The following RAD18 variants were observed in gnomAD, a reference collection of about 807,000 sequenced individuals.
RAD18 encodes RAD18 E3 ubiquitin protein ligase, also known as E3 ubiquitin-protein ligase RAD18.
In RAD18, 47 loss-of-function variants were observed where a neutral mutation model predicts 60.4. That is an observed-to-expected ratio of 0.78 (90% CI 0.62 to 0.99). The LOEUF is 0.99. Among genes scored for constraint, RAD18 ranks in the 50% least tolerant of loss-of-function variants. The probability of loss-of-function intolerance (pLI) is 0.00; values close to 1 mark genes in which losing one functional copy is unlikely to be tolerated. For synonymous variants in RAD18, 225 were observed against 195.5 expected, an observed-to-expected ratio of 1.15 and a Z score of -1.26; for missense variants, 640 against 593.3, an observed-to-expected ratio of 1.08 and a Z score of -0.82.
At chr3:8,960,068 G>A (rs1010665402) in intron 1 of RAD18, among the ~76,000 whole-genome samples, 3 of 152,100 alleles carry the variant, frequency 2.0e-5, no homozygotes, top group African/African-American at 7.2e-5. Context: ...AGCACTTTGG[G>A]AGGCCAAGGC....
rs462153 is a variant in RAD18 at position 8,902,288 on chromosome 3, A to G, written c.1168+92T>C. 10,391 of 1,209,420 alleles carry G rather than the reference A, an allele frequency of 8.6e-3. 64 individuals are homozygous for G. Among genetic ancestry groups the G allele is most frequent in the Non-Finnish European group, 0.011 (9,551 of 907,344 alleles). 74.9% of individuals were successfully genotyped at this position (1,209,420 alleles called of 1,614,324 possible). On this transcript the variant is annotated intron_variant, in intron 10 of 12. Coordinates refer to ENST00000264926, the MANE Select transcript of RAD18 (RefSeq NM_020165.4). ...TTTTTCTCATTTCAAAGAACTAAGAACTCCAAAGTAAATTTCTTTGGTTTA... is the reference window on the plus strand; with the variant it reads ...TTTTTCTCATTTCAAAGAACTAAGAGCTCCAAAGTAAATTTCTTTGGTTTA...
rs71049758 is a variant in RAD18 at position 8,929,643 on chromosome 3, A to AT, written c.889+6227dup. On this transcript the variant is annotated intron_variant, in intron 7 of 12. Transcript: ENST00000264926. Reference sequence around the variant, plus strand: ...CAAGGACATGGAGCAACTGGAATTAATTTTTTTTTTTTTTTTGAGACGGAG... The same window carrying AT: ...CAAGGACATGGAGCAACTGGAATTAATTTTTTTTTTTTTTTTTGAGACGGAG... Among the ~76,000 whole-genome samples, 517 of 142,302 alleles carry AT rather than the reference A, an allele frequency of 3.6e-3. 1 individual carries two copies. The highest frequency in any genetic ancestry group is 8.8e-3 in the African/African-American group (343 of 38,776). The allele number at this position is 142,302 out of a possible 152,430, so 93.4% of individuals were successfully genotyped here.
At chr3:8,904,614 T>G (rs781518736) in intron 9 of RAD18, among the ~76,000 whole-genome samples, 1 of 152,202 alleles carries the variant, frequency 6.6e-6, no homozygotes, top group South Asian at 2.1e-4. Context: ...GGACACAAGC[T>G]AGGTGATTTC....
chr3:8,902,343 A>G (rs1450726474), intron 10 of RAD18, 37 bp downstream of exon 10: 8 of 1,446,538 alleles, frequency 5.5e-6, no homozygotes, highest in Non-Finnish European at 7.3e-6. Context: ...AAATAATGAA[A>G]TTCGACATAT....
intron 1 of RAD18, among the ~76,000 whole-genome samples, chr3:8,962,380 G>A (rs1941104964): frequency 6.6e-6 from 1 of 152,184 alleles, no homozygotes; most frequent in African/African-American, 2.4e-5. Flanking sequence ...TTCTCATCAT[G>A]CAGATATCTC....
chr3:8,885,556 C>G (rs45598641), intron 12 of RAD18, among the ~76,000 whole-genome samples: 20 of 152,162 alleles, frequency 1.3e-4, no homozygotes, highest in Non-Finnish European at 1.5e-4. Flanking sequence ...TGGAAAGGAG[C>G]CTTTATTTCT....
At chr3:8,898,381 C>CGTGTGTGTGTGT (rs59853617) in intron 11 of RAD18, among the ~76,000 whole-genome samples, 26 of 148,338 alleles carry the variant, frequency 1.8e-4, no homozygotes, top group African/African-American at 6.5e-4. Context: ...TGTGTGCATG[C>CGTGTGTGTGTGT]GTGTGTGTGT....
Position 8,947,250 on chromosome 3 carries a change from T to C in RAD18, c.236A>G (p.Asp79Gly), listed in dbSNP as rs919028202. 3.1e-6 allele frequency: 5 copies of C among 1,611,416 alleles called. No homozygotes were observed. Among genetic ancestry groups the C allele is most frequent in the Non-Finnish European group, 4.2e-6 (5 of 1,177,920 alleles). ...AAAATTCAAGCTTTTTACCAGTTCATCTAATATGCGGTTATTTTTCAGATC... is the reference window on the plus strand; with the variant it reads ...AAAATTCAAGCTTTTTACCAGTTCACCTAATATGCGGTTATTTTTCAGATC... ...EPDLKNNRIL[D>G]ELVKSLNFAR... Residue 79 changes from aspartate to glycine, a missense_variant, in exon 4 of 13, where the codon GAT becomes GGT. Asp to Gly is a moderately conservative substitution (Grantham distance 94). Coordinates refer to ENST00000264926, the MANE Select transcript of RAD18 (RefSeq NM_020165.4).
chr3:8,941,473 T>A lies in RAD18; in HGVS notation c.598A>T (p.Thr200Ser). Reference sequence around the variant, plus strand: ...TATGAAAATAACTTCCTACCTTTAGTAACTTGTTTCAAAGTGGATGTCGAG... The same window carrying A: ...TATGAAAATAACTTCCTACCTTTAGAAACTTGTTTCAAAGTGGATGTCGAG... ...PPSTSTLKQVTKVDCPVCGVN... is the reference protein window; with the variant it reads ...PPSTSTLKQVSKVDCPVCGVN... Residue 200 changes from threonine to serine, a missense_variant, in exon 5 of 13, where the codon ACT becomes TCT. Physicochemically the swap from Thr to Ser is moderately conservative, Grantham distance 58. Coordinates refer to ENST00000264926, the MANE Select transcript of RAD18 (RefSeq NM_020165.4). 1 of 1,595,826 alleles carries A rather than the reference T, an allele frequency of 6.3e-7. No individual in the cohort carries two copies. The highest frequency in any genetic ancestry group is 8.6e-7 in the Non-Finnish European group (1 of 1,166,622).
chr3:8,913,675 A>T lies in RAD18; in HGVS notation c.935T>A (p.Met312Lys), dbSNP rs1367956275. ...REIENIEKTR[M>K]RLEASKLNES... is the part of the protein sequence containing the mutation. ...ATTGAGTTTACTAGCTTCAAGACGC[A>T]TCCTAGTCTTCTCTATATTTTCGAT... Residue 312 changes from methionine (M) to lysine (K), a missense_variant, in exon 8 of 13, where the codon ATG (methionine) becomes AAG (lysine). By Grantham distance (95) the Met-to-Lys change is moderately conservative. Coordinates refer to ENST00000264926, the MANE Select transcript of RAD18 (RefSeq NM_020165.4). The T allele has an allele frequency of 1.3e-6, 2 of 1,576,946 alleles. No individual in the cohort carries two copies. Among genetic ancestry groups the T allele is most frequent in the Non-Finnish European group, 1.7e-6 (2 of 1,159,668 alleles).
chr3:8,892,105 C>T (rs1939700735), intron 11 of RAD18, among the ~76,000 whole-genome samples: 1 of 152,160 alleles, frequency 6.6e-6, no homozygotes, highest in Non-Finnish European at 1.5e-5. Flanking sequence ...TCTTTCAAGA[C>T]ATTTAAAAAA....
intron 9 of RAD18, among the ~76,000 whole-genome samples, chr3:8,903,794 T>C (rs1939955218): frequency 6.6e-6 from 1 of 152,168 alleles, no homozygotes; most frequent in African/African-American, 2.4e-5. Flanking sequence ...ATACTACAAA[T>C]GGTTAAAACA....
At chr3:8,906,848 T>C (rs573115148) in intron 9 of RAD18, among the ~76,000 whole-genome samples, 4 of 152,252 alleles carry the variant, frequency 2.6e-5, no homozygotes, top group Non-Finnish European at 4.4e-5. Flanking sequence ...AATGGGTTTA[T>C]TGTTAATATT....
In RAD18 at chr3:8,947,282, T is replaced by C. The variant is rs761228149; in HGVS notation, c.204A>G (p.Thr68=). 6.9e-5 allele frequency: 111 copies of C among 1,607,924 alleles called. No homozygotes were observed. Among genetic ancestry groups the C allele is most frequent in the Admixed American group, 1.5e-4 (9 of 59,762 alleles). The change falls in exon 4 of 13, where the codon ACA becomes ACG. Residue 68 remains threonine, a synonymous_variant. Coordinates refer to ENST00000264926, the MANE Select transcript of RAD18 (RefSeq NM_020165.4). ...TGCGGTTATTTTTCAGATCCGGCTCTGTGACAGTCTAGAAAAAACAAACAA... is the reference window on the plus strand; with the variant it reads ...TGCGGTTATTTTTCAGATCCGGCTCCGTGACAGTCTAGAAAAAACAAACAA... ...TQCPTCCVTV[T]EPDLKNNRIL...
At chr3:8,957,865 A>G (rs1490000292) in intron 2 of RAD18, among the ~76,000 whole-genome samples, 1 of 152,198 alleles carries the variant, frequency 6.6e-6, no homozygotes, top group East Asian at 1.9e-4. Flanking sequence ...AAAATTCATG[A>G]ACACTTTTAT....
chr3:8,892,655 C>T (rs1029964489), intron 11 of RAD18, among the ~76,000 whole-genome samples: 1 of 152,134 alleles, frequency 6.6e-6, no homozygotes, highest in African/African-American at 2.4e-5. Flanking sequence ...CATTCTCTGA[C>T]GGAAAGTAGC....
intron 7 of RAD18, among the ~76,000 whole-genome samples, chr3:8,917,541 A>G (rs1200941554): frequency 1.3e-5 from 2 of 152,190 alleles, no homozygotes; most frequent in African/African-American, 4.8e-5. Flanking sequence ...ATGCTGTTAA[A>G]AGTTTCTTAC....
chr3:8,911,292 C>T (rs1940100155), intron 9 of RAD18, among the ~76,000 whole-genome samples: 1 of 152,112 alleles, frequency 6.6e-6, no homozygotes, highest in South Asian at 2.1e-4. Context: ...TTATTAGATA[C>T]CACCCTTTCA....
At chr3:8,932,277 T>C (rs1940574391) in intron 7 of RAD18, among the ~76,000 whole-genome samples, 5 of 152,148 alleles carry the variant, frequency 3.3e-5, no homozygotes, top group Admixed American at 3.3e-4. Flanking sequence ...TCACAACACA[T>C]ATATTTTAAA....
Sources: gnomAD v4.1 joint callset for allele counts (sites outside exome capture counted in the v4.1 genomes callset) on GRCh38, gnomAD v4.1.1 for gene constraint, MANE v1.5 for transcripts, NCBI Gene and HGNC (gene_info 2026-07-23, HGNC 2026-07-21) for gene names.